The following CNGA1 variants were observed in gnomAD, a reference collection of about 807,000 sequenced individuals.
The protein encoded by CNGA1 is cyclic nucleotide gated channel subunit alpha 1.
CNGA1 carries 53 observed loss-of-function variants against 69.7 expected under a neutral mutation model. That is an observed-to-expected ratio of 0.76 (90% CI 0.61 to 0.96). The LOEUF (loss-of-function observed/expected upper bound fraction) is 0.96. CNGA1 is among the 40% of genes least tolerant of loss of function. The pLI is 0.00. For synonymous variants in CNGA1, 249 were observed against 283.5 expected, an observed-to-expected ratio of 0.88 and a Z score of 1.22; for missense variants, 739 against 811.2, an observed-to-expected ratio of 0.91 and a Z score of 1.08.
At chr4:48,012,465 T>G (rs1396636883) in intron 1 of CNGA1, among the ~76,000 whole-genome samples, 1 of 150,296 alleles carries the variant, frequency 6.7e-6, no homozygotes, top group African/African-American at 2.4e-5. Context: ...ACAAAAAGGG[T>G]GGTGTTATGT....
At chr4:47,993,462 G>T (rs1204541810) in intron 2 of CNGA1, among the ~76,000 whole-genome samples, 1 of 152,032 alleles carries the variant, frequency 6.6e-6, no homozygotes, top group African/African-American at 2.4e-5. Context: ...AGGTATCCTG[G>T]TTTATGTGTG....
chr4:47,984,647 A>AAAATATATATATAT (rs141458781), intron 2 of CNGA1, among the ~76,000 whole-genome samples: 18 of 64,490 alleles, frequency 2.8e-4, no homozygotes, highest in Admixed American at 1.5e-3. Flanking sequence ...AAATAAAAAA[A>AAAATATATATATAT]ATATATATAT....
intron 2 of CNGA1, among the ~76,000 whole-genome samples, chr4:48,006,650 C>G (rs1714932563): frequency 6.6e-6 from 1 of 152,014 alleles, no homozygotes; most frequent in Admixed American, 6.6e-5. Flanking sequence ...GAGACAGAGT[C>G]TCGCTCTGTC....
chr4:47,995,070 T>A (rs2071234566), intron 2 of CNGA1, among the ~76,000 whole-genome samples: 1 of 152,330 alleles, frequency 6.6e-6, no homozygotes, highest in South Asian at 2.1e-4. Flanking sequence ...GGCTTTCCTT[T>A]ATAGGCTACC....
chr4:47,998,314 G>C (rs1315142174), intron 2 of CNGA1, among the ~76,000 whole-genome samples: 1 of 152,204 alleles, frequency 6.6e-6, no homozygotes, highest in Non-Finnish European at 1.5e-5. Context: ...TCCAGTCTTT[G>C]TGGAATGCTA....
rs1036716686 is a variant in CNGA1 at position 47,965,793 on chromosome 4, A to G, written c.-14-13090T>C. Among the ~76,000 whole-genome samples, 6 of 152,136 alleles carry G rather than the reference A, an allele frequency of 3.9e-5. No individual in the cohort carries two copies. The South Asian group carries it at 1.0e-3, about 26-fold the overall frequency. ...CTAGTATTTTATTTTGAATTTTTCC[A>G]TCTGTTTTTAAAGGTAAAATTACTC... On this transcript the variant is annotated intron_variant, in intron 3 of 10. Coordinates refer to ENST00000514170, the MANE Select transcript of CNGA1 (RefSeq NM_001379270.1).
chr4:48,016,665 AG>A lies in CNGA1; in HGVS notation c.-406del, dbSNP rs1715402735. ...GAATTCGCAACAAGCCCCGGGCAGC[AG>A]GGCTCGGCTGGCGCTGAGGCCCCGC... On this transcript the variant is annotated 5_prime_UTR_variant, in exon 1 of 11. Coordinates refer to ENST00000514170, the MANE Select transcript of CNGA1 (RefSeq NM_001379270.1). The A allele has an allele frequency of 1.9e-5, 11 of 580,122 alleles. No individual in the cohort carries two copies. The highest frequency in any genetic ancestry group is 2.9e-5 in the Non-Finnish European group (10 of 341,948). 35.9% of individuals were successfully genotyped at this position (580,122 alleles called of 1,614,324 possible).
At chr4:47,980,501 G>A (rs549210496) in intron 3 of CNGA1, among the ~76,000 whole-genome samples, 14 of 126,736 alleles carry the variant, frequency 1.1e-4, no homozygotes, top group Non-Finnish European at 1.7e-4. Context: ...TTGATACAGC[G>A]TCTCTCTCTT....
intron 6 of CNGA1, among the ~76,000 whole-genome samples, chr4:47,944,846 C>T (rs1739299040): frequency 6.6e-6 from 1 of 152,012 alleles, no homozygotes; most frequent in South Asian, 2.1e-4. Flanking sequence ...CAGTGCTTAC[C>T]CATCAGAAGT....
At chr4:47,955,485 T>C (rs1053081698) in intron 3 of CNGA1, among the ~76,000 whole-genome samples, 3 of 152,066 alleles carry the variant, frequency 2.0e-5, no homozygotes, top group African/African-American at 4.8e-5. Context: ...GCCTGGCCCA[T>C]ATAACAATTT....
rs1288457759 is a variant in CNGA1, at chr4:47,936,406, A to C, written c.*15T>G. ...ATCATGAGGCATGTCCCTGTTAATGACCAGCTTTTCGGTTCTATGTAGAGT... is the reference window on the plus strand; with the variant it reads ...ATCATGAGGCATGTCCCTGTTAATGCCCAGCTTTTCGGTTCTATGTAGAGT... On this transcript the variant is annotated 3_prime_UTR_variant, in exon 11 of 11. Transcript: ENST00000514170. 2 of 1,613,492 alleles carry C rather than the reference A, an allele frequency of 1.2e-6. No homozygotes were observed. The highest frequency in any genetic ancestry group is 1.7e-6 in the Non-Finnish European group (2 of 1,179,596).
chr4:48,004,440 G>A (rs1056262637), intron 2 of CNGA1, among the ~76,000 whole-genome samples: 30 of 152,038 alleles, frequency 2.0e-4, no homozygotes, highest in African/African-American at 2.2e-4. Flanking sequence ...AAAACCCACC[G>A]ACCCTGTGGG....
chr4:47,985,265 T>C (rs1741929429), intron 2 of CNGA1, among the ~76,000 whole-genome samples: 1 of 152,222 alleles, frequency 6.6e-6, no homozygotes, highest in African/African-American at 2.4e-5. Context: ...AATAATTGCA[T>C]TGCAATAAAT....
chr4:47,956,364 A>G (rs1413890513), intron 3 of CNGA1, among the ~76,000 whole-genome samples: 2 of 152,316 alleles, frequency 1.3e-5, no homozygotes, highest in East Asian at 3.9e-4. Flanking sequence ...TGCCAGGTGC[A>G]GTGGAAGTGG....
chr4:47,972,275 A>G (rs901030099), intron 3 of CNGA1, among the ~76,000 whole-genome samples: 1 of 152,092 alleles, frequency 6.6e-6, no homozygotes, highest in African/African-American at 2.4e-5. Context: ...CTTTCCTACT[A>G]ATGAAGGATT....
chr4:47,995,053 T>A (rs1742424477), intron 2 of CNGA1, among the ~76,000 whole-genome samples: 1 of 152,226 alleles, frequency 6.6e-6, no homozygotes, highest in African/African-American at 2.4e-5. Flanking sequence ...CTGCTATTAA[T>A]CTGATAGGCT....
At chr4:48,012,105 T>A (rs1015898816) in intron 1 of CNGA1, among the ~76,000 whole-genome samples, 24 of 152,214 alleles carry the variant, frequency 1.6e-4, no homozygotes, top group African/African-American at 5.5e-4. Context: ...AATTTTGCTT[T>A]TCTTCCTTGT....
rs371736289 is a variant in CNGA1, at chr4:47,937,017, A to G, written c.1465T>C (p.Leu489=). The change falls in exon 11 of 11, where the codon TTG becomes CTG. Residue 489 remains leucine, a synonymous_variant. Coordinates refer to ENST00000514170, the MANE Select transcript of CNGA1 (RefSeq NM_001379270.1). ...CEAGLLVELV[L]KLQPQVYSPG... ...CTGTAGACTTGGGGTTGCAATTTCA[A>G]GACCAACTCCACCAACAGACCAGCT... 3 of 1,614,072 alleles carry G rather than the reference A, an allele frequency of 1.9e-6. No homozygotes were observed. The highest frequency in any genetic ancestry group is 1.3e-5 in the African/African-American group (1 of 74,924).
intron 3 of CNGA1, among the ~76,000 whole-genome samples, chr4:47,976,239 A>G (rs1321881273): frequency 6.2e-5 from 3 of 48,408 alleles, no homozygotes; most frequent in East Asian, 2.3e-3. Context: ...ATACATATAT[A>G]TGTATATATA....
Sources: allele counts gnomAD v4.1 joint callset (sites outside exome capture counted in the v4.1 genomes callset), GRCh38; gene constraint gnomAD v4.1.1; transcripts MANE v1.5; gene names NCBI Gene and HGNC (gene_info 2026-07-23, HGNC 2026-07-21).